ABCA12: variants seen among roughly 807,000 people sequenced by gnomAD.
The protein encoded by ABCA12 is ATP binding cassette subfamily A member 12, also known as glucosylceramide transporter ABCA12.
A neutral mutation model predicts 293.5 loss-of-function variants in ABCA12; 156 were observed. The ratio of observed to expected loss-of-function variants is 0.53; its 90% CI spans 0.47 to 0.61. The LOEUF is 0.61. Among genes scored for constraint, ABCA12 ranks in the 20% least tolerant of loss-of-function variants. ABCA12 has a pLI of 0.00. For missense variants in ABCA12, 2,797 were observed against 3,090.2 expected (o/e 0.91, Z 2.25); for synonymous variants, 1,063 against 1,108.0 (o/e 0.96, Z 0.81).
chr2:214,947,323 T>A, intron 48 of ABCA12, 99 bp downstream of exon 48: 1 of 1,553,704 alleles, frequency 6.4e-7, no homozygotes. Context: ...GAGACCTCAA[T>A]AAATGTTGAC....
intron 9 of ABCA12, among the ~76,000 whole-genome samples, chr2:215,030,528 C>T (rs917948280): frequency 2.0e-5 from 3 of 151,230 alleles, no homozygotes; most frequent in African/African-American, 4.9e-5. Flanking sequence ...GGCGTGAAGC[C>T]GGGAGGCGGA....
intron 5 of ABCA12, among the ~76,000 whole-genome samples, chr2:215,050,500 A>G (rs1213157150): frequency 1.3e-5 from 2 of 152,096 alleles, no homozygotes; most frequent in Non-Finnish European, 2.9e-5. Flanking sequence ...TTTACCCATA[A>G]TGTTGATCAT....
rs564020773 is a variant in ABCA12, at chr2:215,133,632, C to T, written c.69+4508G>A. On this transcript the variant is annotated intron_variant, in intron 1 of 52. Transcript: ENST00000272895. ...TTATTTTTAAAGTTAAATTACAAGC[C>T]CAGCAGGTTAGCAACTGCACCTGGT... 9.9e-5 allele frequency among the ~76,000 whole-genome samples: 15 copies of T among 152,134 alleles called. No homozygotes were observed. In the South Asian group the frequency reaches 2.7e-3, roughly 27 times the overall value.
intron 7 of ABCA12, among the ~76,000 whole-genome samples, chr2:215,038,670 T>C (rs1037662968): frequency 6.6e-6 from 1 of 152,242 alleles, no homozygotes; most frequent in Non-Finnish European, 1.5e-5. Flanking sequence ...AGTTAGACTG[T>C]CTCAGGGCGT....
chr2:214,975,952 G>A lies in ABCA12; in HGVS notation c.5214C>T (p.His1738=). 1 of 1,614,100 alleles carries A rather than the reference G, an allele frequency of 6.2e-7. No individual in the cohort carries two copies. The highest frequency in any genetic ancestry group is 1.6e-4 in the Middle Eastern group (1 of 6,062). ...GACCTTTCCAGTTCCTGCGGGTGTG[G>A]TGGAACCTCTTGATGAGTATAGCCA... is the stretch of plus-strand genomic sequence containing the variant. ...KIMAILIKRF[H]HTRRNWKGLI... is the part of the protein sequence containing the mutation. The change falls in exon 34 of 53, where the codon CAC becomes CAT. Residue 1738 remains histidine (H), a synonymous_variant. Coordinates refer to ENST00000272895, the MANE Select transcript of ABCA12 (RefSeq NM_173076.3).
chr2:215,119,658 G>C (rs1179495994), intron 1 of ABCA12, among the ~76,000 whole-genome samples: 6 of 147,484 alleles, frequency 4.1e-5, no homozygotes. Context: ...CTGTTCCATT[G>C]TTATATGCAC....
At chr2:214,987,572 A>G in intron 27 of ABCA12, 75 bp downstream of exon 27, 1 of 1,532,458 alleles carries the variant, frequency 6.5e-7, no homozygotes, top group Non-Finnish European at 8.8e-7. Flanking sequence ...AGAAAAAAAT[A>G]ATTGAAACTA....
chr2:215,134,685 T>C (rs1005201287), intron 1 of ABCA12, among the ~76,000 whole-genome samples: 1 of 133,052 alleles, frequency 7.5e-6, no homozygotes, highest in Non-Finnish European at 1.5e-5. Flanking sequence ...TCAAACTTTT[T>C]TGTCCAGGCT....
rs989182274 is a variant in ABCA12 at position 215,046,455 on chromosome 2, G to A, written c.694-440C>T. On this transcript the variant is annotated intron_variant, in intron 6 of 52. Transcript: ENST00000272895. Reference sequence around the variant, plus strand: ...CTAATATATAGATTAGTAGAGATACGGATAGATTTTTATATATATATAAAA... The same window carrying A: ...CTAATATATAGATTAGTAGAGATACAGATAGATTTTTATATATATATAAAA... 1.2e-3 allele frequency among the ~76,000 whole-genome samples: 174 copies of A among 146,302 alleles called. 1 individual carries two copies. The highest frequency in any genetic ancestry group is 4.0e-3 in the African/African-American group (160 of 40,190).
chr2:215,101,312 T>C (rs1437376693), intron 2 of ABCA12, among the ~76,000 whole-genome samples: 1 of 152,204 alleles, frequency 6.6e-6, no homozygotes, highest in African/African-American at 2.4e-5. Context: ...AAACTTGAAG[T>C]AGCATAAGAA....
At chr2:214,943,105 T>C in intron 49 of ABCA12, 88 bp from the exon 50 acceptor site, 1 of 990,044 alleles carries the variant, frequency 1.0e-6, no homozygotes, top group Non-Finnish European at 1.6e-6. Flanking sequence ...TGTTTCATTA[T>C]GGCACTTGGA....
intron 7 of ABCA12, among the ~76,000 whole-genome samples, chr2:215,043,877 A>T (rs1701151348): frequency 6.6e-6 from 1 of 152,086 alleles, no homozygotes; most frequent in African/African-American, 2.4e-5. Flanking sequence ...TAATTGTGTC[A>T]ATTCTAGAAC....
At position 214,975,826 on chromosome 2, in the gene ABCA12, G is replaced by C; in HGVS notation, c.5340C>G (p.Ser1780=). The C allele has an allele frequency of 6.2e-7, 1 of 1,614,084 alleles. No homozygotes were observed. The highest frequency in any genetic ancestry group is 8.5e-7 in the Non-Finnish European group (1 of 1,179,978). ...SSNSYPEIQI[S]PSLYGTSEQT... ...GTTCGGAGGTACCATAAAGAGAGGG[G>C]GAGATCTGAATCTCTGGATAACTGT... The change falls in exon 34 of 53, where the codon TCC becomes TCG. Residue 1780 remains serine, a synonymous_variant. Coordinates refer to ENST00000272895, the MANE Select transcript of ABCA12 (RefSeq NM_173076.3).
chr2:215,036,654 AT>A (rs1255688202), intron 8 of ABCA12, among the ~76,000 whole-genome samples: 2 of 152,138 alleles, frequency 1.3e-5, no homozygotes, highest in African/African-American at 2.4e-5. Context: ...GTAGAAATCG[AT>A]TTGTTGAGGC....
chr2:214,951,421 T>C (rs1009724017), intron 44 of ABCA12, among the ~76,000 whole-genome samples: 4 of 152,148 alleles, frequency 2.6e-5, no homozygotes, highest in Non-Finnish European at 4.4e-5. Context: ...CCAGAATCAT[T>C]AGGAAAACTC....
chr2:214,971,438 C>A (rs1447794591), intron 36 of ABCA12, among the ~76,000 whole-genome samples: 1 of 152,098 alleles, frequency 6.6e-6, no homozygotes, highest in Admixed American at 6.6e-5. Context: ...ACCTGTGTAA[C>A]CAGTCACCAA....
chr2:215,015,634 G>A lies in ABCA12; in HGVS notation c.1812C>T (p.Ser604=). The change falls in exon 15 of 53, where the codon TCC becomes TCT. Residue 604 remains serine (S), a synonymous_variant. Transcript: ENST00000272895. ...TGGGAGTGGTGATATTAGTATCACA[G>A]GAATGCAGCCAGAACACCTGAGAAA... The part of the protein sequence containing the change: ...EIISQVFWLH[S]CDTNITTPKL... 2.5e-6 allele frequency: 4 copies of A among 1,614,046 alleles called. No homozygotes were observed. Among genetic ancestry groups the A allele is most frequent in the Non-Finnish European group, 3.4e-6 (4 of 1,179,938 alleles).
chr2:215,064,365 C>T, intron 2 of ABCA12, 146 bp from the exon 3 acceptor site: 1 of 781,228 alleles, frequency 1.3e-6, no homozygotes, highest in South Asian at 1.5e-5. Context: ...GCAACTAACA[C>T]TCACCACTGA....
intron 2 of ABCA12, among the ~76,000 whole-genome samples, chr2:215,097,314 C>A (rs1702266477): frequency 1.3e-5 from 2 of 150,992 alleles, no homozygotes; most frequent in Middle Eastern, 3.4e-3. Context: ...ACTTCTCTAG[C>A]CTCCAAAAAT....
Sources: allele counts gnomAD v4.1 joint callset (sites outside exome capture counted in the v4.1 genomes callset), GRCh38; gene constraint gnomAD v4.1.1; transcripts MANE v1.5; gene names NCBI Gene and HGNC (gene_info 2026-07-23, HGNC 2026-07-21).